Variants in RYR1 observed in about 807,000 individuals in gnomAD.
RYR1 encodes ryanodine receptor 1, also known as central core disease of muscle.
A neutral mutation model predicts 583.5 loss-of-function variants in RYR1; 342 were observed. The observed-to-expected ratio is 0.59, with a 90% CI of 0.54 to 0.64. The LOEUF is 0.64. Ranked by LOEUF, RYR1 falls within the 30% of genes least tolerant of loss-of-function variation. The pLI, the probability that RYR1 is intolerant of heterozygous loss-of-function variation, is 0.00. For missense variants in RYR1, 6,032 were observed against 6,917.2 expected, an observed-to-expected ratio of 0.87 and a Z score of 4.54; for synonymous variants, 2,791 against 2,822.5, an observed-to-expected ratio of 0.99 and a Z score of 0.35.
rs2145882148 is a variant in RYR1 at position 38,575,948 on chromosome 19, T to C, written c.14159T>C (p.Phe4720Ser). Reference protein sequence around the residue: ...PSFPSNYWDKFVKRKVLDKHG... With the variant: ...PSFPSNYWDKSVKRKVLDKHG... ...TTCCCTAGCAACTACTGGGACAAGT[T>C]TGTCAAGCGCAAGGTGAGAGGACAT... Residue 4720 changes from phenylalanine (F) to serine (S), a missense_variant, in exon 97 of 106, where the codon TTT becomes TCT. By Grantham distance (155) the Phe-to-Ser change is radical (BLOSUM62 -2). Coordinates refer to ENST00000359596, the MANE Select transcript of RYR1 (RefSeq NM_000540.3). 1 of 1,614,218 alleles carries C rather than the reference T, an allele frequency of 6.2e-7. No individual in the cohort carries two copies. Among genetic ancestry groups the C allele is most frequent in the Non-Finnish European group, 8.5e-7 (1 of 1,180,042 alleles).
At chr19:38,563,036 G>A (rs984513328) in intron 90 of RYR1, among the ~76,000 whole-genome samples, 10 of 152,176 alleles carry the variant, frequency 6.6e-5, no homozygotes, top group Admixed American at 2.6e-4. Flanking sequence ...TGTTCACCAC[G>A]GCCCTTCCCA....
chr19:38,514,271 A>G (rs987164670), intron 63 of RYR1, among the ~76,000 whole-genome samples: 8 of 145,176 alleles, frequency 5.5e-5, no homozygotes, highest in Non-Finnish European at 1.2e-4. Flanking sequence ...CTCTAAAAAA[A>G]TTTTTTTTTA....
intron 87 of RYR1, among the ~76,000 whole-genome samples, chr19:38,544,394 T>A (rs1256058844): frequency 6.6e-6 from 1 of 152,190 alleles, no homozygotes; most frequent in Non-Finnish European, 1.5e-5. Context: ...CTTGCCAATG[T>A]CTCACGAACA....
intron 23 of RYR1, among the ~76,000 whole-genome samples, chr19:38,465,582 C>T (rs967781272): frequency 1.3e-5 from 2 of 152,072 alleles, no homozygotes; most frequent in South Asian, 2.1e-4. Flanking sequence ...CTGACCAACA[C>T]GGTGAAACCC....
At chr19:38,509,450 A>ATTTTTTTT in intron 58 of RYR1, among the ~76,000 whole-genome samples, 1 of 104,366 alleles carries the variant, frequency 9.6e-6, no homozygotes, top group Non-Finnish European at 2.0e-5. Flanking sequence ...TATTATTATT[A>ATTTTTTTT]TTTTTTTTTT....
chr19:38,497,995 C>T (rs964480694), intron 42 of RYR1, among the ~76,000 whole-genome samples: 4 of 152,118 alleles, frequency 2.6e-5, no homozygotes, highest in African/African-American at 9.6e-5. Flanking sequence ...CCAGAGAAAG[C>T]CTCATTGAGA....
intron 99 of RYR1, among the ~76,000 whole-genome samples, chr19:38,579,195 G>T (rs1448860105): frequency 6.6e-6 from 1 of 152,124 alleles, no homozygotes; most frequent in East Asian, 1.9e-4. Flanking sequence ...GGAGGCCGAG[G>T]TGGGTGGATC....
At chr19:38,480,363 C>G (rs1281677090) in intron 31 of RYR1, among the ~76,000 whole-genome samples, 1 of 151,892 alleles carries the variant, frequency 6.6e-6, no homozygotes, top group Non-Finnish European at 1.5e-5. Context: ...AGGCTGGTCT[C>G]AAACTCTTGG....
At chr19:38,489,610 A>T (rs75230877) in intron 35 of RYR1, among the ~76,000 whole-genome samples, 167 bp downstream of exon 35, 11 of 151,750 alleles carry the variant, frequency 7.2e-5, no homozygotes, top group African/African-American at 2.7e-4. Flanking sequence ...CATGGAGATG[A>T]GACCATGGAG....
intron 67 of RYR1, among the ~76,000 whole-genome samples, chr19:38,520,264 C>T (rs1042607248): frequency 7.9e-5 from 12 of 151,114 alleles, no homozygotes; most frequent in Non-Finnish European, 8.8e-5. Context: ...TGGGGTCTCA[C>T]TATGTTGCCC....
intron 17 of RYR1, 25 bp from the exon 18 acceptor site, chr19:38,458,026 C>A (rs770248796): frequency 3.7e-6 from 6 of 1,612,116 alleles, no homozygotes; most frequent in Non-Finnish European, 5.1e-6. Context: ...CGTCATCCCC[C>A]TCTCCTGTCC....
intron 99 of RYR1, 44 bp from the exon 100 acceptor site, chr19:38,579,938 G>C: frequency 6.2e-7 from 1 of 1,613,780 alleles, no homozygotes; most frequent in Non-Finnish European, 8.5e-7. Context: ...TGCTCCTCGT[G>C]TGTCCCTGCC....
At chr19:38,542,830 ATTATTTAT>A (rs924164669) in intron 84 of RYR1, among the ~76,000 whole-genome samples, 96 of 148,286 alleles carry the variant, frequency 6.5e-4, no homozygotes, top group African/African-American at 2.2e-3. Flanking sequence ...CTATTTTAAA[ATTATTTAT>A]TTATTTATTT....
In RYR1 at chr19:38,564,946, C is replaced by T. The variant is rs960819993; in HGVS notation, c.12625-13C>T. ...TGACGGCGCCCTATCCTGTCTGCCG[C>T]CCCTCGCTTCAGGTGAAGGAGTCCA... On this transcript the variant is annotated splice_polypyrimidine_tract_variant and intron_variant, in intron 90 of 105. Coordinates refer to ENST00000359596, the MANE Select transcript of RYR1 (RefSeq NM_000540.3). The T allele has an allele frequency of 3.2e-6, 5 of 1,568,212 alleles. No homozygotes were observed. The highest frequency in any genetic ancestry group is 3.5e-6 in the Non-Finnish European group (4 of 1,158,138).
intron 97 of RYR1, among the ~76,000 whole-genome samples, chr19:38,577,168 G>A (rs951471334): frequency 2.0e-5 from 3 of 152,006 alleles, no homozygotes; most frequent in Admixed American, 6.6e-5. Flanking sequence ...TTACAGGCAC[G>A]AGCCACCGCG....
In RYR1 at chr19:38,483,102, G is replaced by C; in HGVS notation, c.4696G>C (p.Gly1566Arg). The C allele has an allele frequency of 6.2e-7, 1 of 1,614,082 alleles. No individual in the cohort carries two copies. Among genetic ancestry groups the C allele is most frequent in the Non-Finnish European group, 8.5e-7 (1 of 1,179,972 alleles). The change falls in exon 32 of 106, where the codon GGG becomes CGG. Residue 1566 changes from glycine to arginine, a missense_variant. Physicochemically the swap from Gly to Arg is moderately radical, Grantham distance 125. Coordinates refer to ENST00000359596, the MANE Select transcript of RYR1 (RefSeq NM_000540.3). The surrounding 1 kb of genome is among the most constrained non-coding windows in gnomAD (Gnocchi z 6.3). ...CCAGAACGTCATCCAGTTTGAGCTG[G>C]GGAAGCAGAAGGTACAAGTGCAGTG... The part of the protein sequence containing the change: ...THQNVIQFEL[G>R]KQKNIMPLSA...
chr19:38,540,084 G>A (rs1403228915), intron 84 of RYR1, among the ~76,000 whole-genome samples: 1 of 152,002 alleles, frequency 6.6e-6, no homozygotes, highest in Non-Finnish European at 1.5e-5. Flanking sequence ...ATTGTGAACT[G>A]ACTGTAAAAA....
Position 38,500,507 on chromosome 19 carries a change from C to A in RYR1, c.7324-99C>A. 1 of 1,558,214 alleles carries A rather than the reference C, an allele frequency of 6.4e-7. No individual in the cohort carries two copies. On this transcript the variant is annotated intron_variant, in intron 45 of 105. Coordinates refer to ENST00000359596, the MANE Select transcript of RYR1 (RefSeq NM_000540.3). This position sits in a 1 kb window ranked among gnomAD's most constrained non-coding sequence, Gnocchi z 5.9. ...CTAGACAGCCTCCTGAGAAAGAGGC[C>A]TGCTCTACCCTCCTGTGTGGTAAGG...
chr19:38,467,833 C>T, intron 25 of RYR1, 21 bp downstream of exon 25: 1 of 1,611,330 alleles, frequency 6.2e-7, no homozygotes, highest in African/African-American at 1.3e-5. Flanking sequence ...CCCTGGGCAC[C>T]ATTCTGCCAG....
Sources: gnomAD v4.1 joint callset for allele counts (sites outside exome capture counted in the v4.1 genomes callset) on GRCh38, gnomAD v4.1.1 for gene constraint, Gnocchi (gnomAD v3.1) non-coding constraint, MANE v1.5 for transcripts, NCBI Gene and HGNC (gene_info 2026-07-23, HGNC 2026-07-21) for gene names.